The following SFMBT1 variants were observed in gnomAD, a reference collection of about 807,000 sequenced individuals.
SFMBT1 encodes the protein Scm like with four mbt domains 1, also known as scm-like with four MBT domains protein 1.
In SFMBT1, 32 loss-of-function variants were observed where a neutral mutation model predicts 108.7. The observed-to-expected ratio is 0.29, with a 90% CI of 0.22 to 0.40. SFMBT1 has a LOEUF of 0.40. Among genes scored for constraint, SFMBT1 ranks in the 10% least tolerant of loss-of-function variants. SFMBT1 has a pLI of 1.00. For synonymous variants in SFMBT1, 348 were observed against 369.5 expected (o/e 0.94, Z 0.67); for missense variants, 816 against 1,059.6 (o/e 0.77, Z 3.19).
Position 52,912,664 on chromosome 3 carries a change from A to C in SFMBT1, c.1621-17T>G. ...AGTGAGGACCTGAGCTCAGTTTTAAAGCAGAAACACAGATTGGGAAGGAGA... is the reference window on the plus strand; with the variant it reads ...AGTGAGGACCTGAGCTCAGTTTTAACGCAGAAACACAGATTGGGAAGGAGA... On this transcript the variant is annotated splice_polypyrimidine_tract_variant and intron_variant, in intron 15 of 20. Coordinates refer to ENST00000394752, the MANE Select transcript of SFMBT1 (RefSeq NM_016329.4). The C allele has an allele frequency of 6.3e-7, 1 of 1,576,676 alleles. No individual in the cohort carries two copies. The highest frequency in any genetic ancestry group is 8.7e-7 in the Non-Finnish European group (1 of 1,146,380).
At chr3:52,973,326 GGT>G (rs1210058153) in intron 1 of SFMBT1, among the ~76,000 whole-genome samples, 1 of 152,112 alleles carries the variant, frequency 6.6e-6, no homozygotes, top group Non-Finnish European at 1.5e-5. Context: ...GAACTAAATA[GGT>G]GCCTAGATAT....
At chr3:52,999,537 T>A (rs1018684225) in intron 1 of SFMBT1, among the ~76,000 whole-genome samples, 1 of 150,172 alleles carries the variant, frequency 6.7e-6, no homozygotes, top group Non-Finnish European at 1.5e-5. Flanking sequence ...TTTTGGTGTA[T>A]CCCTTCAGCT....
intron 3 of SFMBT1, among the ~76,000 whole-genome samples, chr3:52,948,218 G>C (rs964634166): frequency 1.5e-4 from 22 of 151,102 alleles, no homozygotes; most frequent in African/African-American, 4.8e-4. Context: ...AATTAAACCA[G>C]CACTTTTCCC....
At chr3:52,962,532 G>A (rs551834153) in intron 2 of SFMBT1, among the ~76,000 whole-genome samples, 1 of 152,022 alleles carries the variant, frequency 6.6e-6, no homozygotes, top group African/African-American at 2.4e-5. Context: ...GAGGCCAGGC[G>A]CAGTGGCTCA....
chr3:53,033,466 T>G (rs1160017522), intron 1 of SFMBT1, among the ~76,000 whole-genome samples: 1 of 152,044 alleles, frequency 6.6e-6, no homozygotes, highest in Non-Finnish European at 1.5e-5. Context: ...CGGCCCAACA[T>G]TTTTTTAATA....
At chr3:52,976,402 T>C (rs1040502828) in intron 1 of SFMBT1, among the ~76,000 whole-genome samples, 2 of 152,004 alleles carry the variant, frequency 1.3e-5, no homozygotes, top group Non-Finnish European at 2.9e-5. Flanking sequence ...TACAAACAAA[T>C]AGTGTTAAAG....
intron 1 of SFMBT1, among the ~76,000 whole-genome samples, chr3:53,019,914 C>T (rs74635573): frequency 0.03 from 4,608 of 152,208 alleles, 270 homozygotes; most frequent in African/African-American, 0.1. Context: ...CTTACCACTT[C>T]GGCTTCTTTC....
At chr3:52,985,902 G>C (rs551721096) in intron 1 of SFMBT1, among the ~76,000 whole-genome samples, 1 of 152,240 alleles carries the variant, frequency 6.6e-6, no homozygotes, top group African/African-American at 2.4e-5. Flanking sequence ...CAGCACTTTG[G>C]GAGGCCAAGG....
chr3:52,944,810 C>A (rs931957526), intron 3 of SFMBT1, among the ~76,000 whole-genome samples: 8 of 151,838 alleles, frequency 5.3e-5, no homozygotes, highest in African/African-American at 1.9e-4. Flanking sequence ...CGTGAGCCAC[C>A]AGGCCCGGCC....
Position 53,040,198 on chromosome 3 carries a change from T to C in SFMBT1, c.-131+5618A>G, listed in dbSNP as rs59726511. Among the ~76,000 whole-genome samples, 1,288 of 152,308 alleles carry C rather than the reference T, an allele frequency of 8.5e-3. 18 individuals are homozygous for C. Among genetic ancestry groups the C allele is most frequent in the African/African-American group, 0.029 (1,226 of 41,560 alleles). ...GAAATGAAGAACCAGTGGCAGCCCATGGGCAGCCTTACTACTGAGCAAATA... is the reference window on the plus strand; with the variant it reads ...GAAATGAAGAACCAGTGGCAGCCCACGGGCAGCCTTACTACTGAGCAAATA... On this transcript the variant is annotated intron_variant, in intron 1 of 20. Coordinates refer to ENST00000394752, the MANE Select transcript of SFMBT1 (RefSeq NM_016329.4).
intron 14 of SFMBT1, 54 bp downstream of exon 14, chr3:52,916,096 A>T: frequency 1.4e-6 from 2 of 1,429,552 alleles, no homozygotes; most frequent in Middle Eastern, 1.8e-4. Flanking sequence ...TTTCAGATAT[A>T]GTCCATTAAA....
chr3:53,016,253 A>G (rs973927863), intron 1 of SFMBT1, among the ~76,000 whole-genome samples: 6 of 152,134 alleles, frequency 3.9e-5, no homozygotes, highest in Non-Finnish European at 8.8e-5. Context: ...AGACACTACT[A>G]CACTCTCTGA....
rs57640588 is a variant in SFMBT1, at chr3:53,040,968, A to ATTTTTTTTTTTTTTTTTTTT, written c.-131+4828_-131+4847dup. ...TACAGGCATGCACCAAGACACCTGA[A>ATTTTTTTTTTTTTTTTTTTT]TTTTTTTTTTTTTTTTTTTTTTTTT... On this transcript the variant is annotated intron_variant, in intron 1 of 20. Coordinates refer to ENST00000394752, the MANE Select transcript of SFMBT1 (RefSeq NM_016329.4). 6.7e-4 allele frequency among the ~76,000 whole-genome samples: 31 copies of ATTTTTTTTTTTTTTTTTTTT among 46,384 alleles called. 2 individuals are homozygous for ATTTTTTTTTTTTTTTTTTTT. Among genetic ancestry groups the ATTTTTTTTTTTTTTTTTTTT allele is most frequent in the Non-Finnish European group, 7.9e-4 (20 of 25,170 alleles). 30.4% of individuals were successfully genotyped at this position (46,384 alleles called of 152,430 possible). A position where few individuals can be genotyped will look rare whatever the true frequency, so the allele number is the denominator to read the frequency against.
chr3:53,035,190 C>G (rs1487899886), intron 1 of SFMBT1, among the ~76,000 whole-genome samples: 2 of 150,612 alleles, frequency 1.3e-5, no homozygotes, highest in African/African-American at 4.9e-5. Flanking sequence ...GGAGTTTGGA[C>G]TTTACCCGGC....
chr3:52,938,970 A>T (rs1703104157), intron 4 of SFMBT1, among the ~76,000 whole-genome samples: 1 of 152,194 alleles, frequency 6.6e-6, no homozygotes. Flanking sequence ...TTTAGATCTG[A>T]AGTTCAGTTT....
chr3:52,952,848 TA>T (rs1361110921), intron 3 of SFMBT1, among the ~76,000 whole-genome samples: 1 of 152,186 alleles, frequency 6.6e-6, no homozygotes, highest in Non-Finnish European at 1.5e-5. Flanking sequence ...TTAGAGGTCA[TA>T]AGGATGGAGC....
At chr3:52,962,860 TAC>T (rs1559528356) in intron 2 of SFMBT1, among the ~76,000 whole-genome samples, 1 of 148,116 alleles carries the variant, frequency 6.8e-6, no homozygotes, top group East Asian at 2.0e-4. Context: ...TATATGTATA[TAC>T]ACTCACATAT....
chr3:52,992,328 A>G (rs1284514133), intron 1 of SFMBT1, among the ~76,000 whole-genome samples: 1 of 152,248 alleles, frequency 6.6e-6, no homozygotes, highest in Non-Finnish European at 1.5e-5. Context: ...TATAATACAA[A>G]GGGTAAGTGT....
At chr3:53,034,615 A>T (rs558292521) in intron 1 of SFMBT1, among the ~76,000 whole-genome samples, 3 of 151,894 alleles carry the variant, frequency 2.0e-5, no homozygotes, top group African/African-American at 7.2e-5. Context: ...AAATTTAAAA[A>T]ATAAATAAAA....
Sources: allele counts gnomAD v4.1 joint callset (sites outside exome capture counted in the v4.1 genomes callset), GRCh38; gene constraint gnomAD v4.1.1; transcripts MANE v1.5; gene names NCBI Gene and HGNC (gene_info 2026-07-23, HGNC 2026-07-21).